The following ZNF385D variants were observed in gnomAD, a reference collection of about 807,000 sequenced individuals.
The protein encoded by ZNF385D is zinc finger protein 385D, also known as zinc finger protein 659.
A neutral mutation model predicts 35.8 loss-of-function variants in ZNF385D; 15 were observed. The ratio of observed to expected loss-of-function variants is 0.42; its 90% confidence interval spans 0.28 to 0.64. The LOEUF (loss-of-function observed/expected upper bound fraction) is 0.64, where lower values mean the gene tolerates loss of function less well. ZNF385D is among the 30% of genes least tolerant of loss of function. The pLI, the probability that ZNF385D is intolerant of heterozygous loss-of-function variation, is 0.23. For synonymous variants in ZNF385D, 212 were observed against 186.8 expected (o/e 1.13, Z -1.10); for missense variants, 474 against 494.6 (o/e 0.96, Z 0.39).
At chr3:21,731,065 T>C (rs1559560822) in intron 1 of ZNF385D, among the ~76,000 whole-genome samples, 1 of 152,184 alleles carries the variant, frequency 6.6e-6, no homozygotes, top group Non-Finnish European at 1.5e-5. Context: ...GGGCAAAGAG[T>C]ACATGCTGTA....
intron 2 of ZNF385D, among the ~76,000 whole-genome samples, chr3:22,346,684 G>A (rs1196417694): frequency 1.3e-5 from 2 of 152,154 alleles, no homozygotes; most frequent in African/African-American, 4.8e-5. Context: ...CGTTGTTCAA[G>A]AGTTAAGTGC....
chr3:22,148,719 C>T (rs1705028453), intron 3 of ZNF385D, among the ~76,000 whole-genome samples: 1 of 152,130 alleles, frequency 6.6e-6, no homozygotes, highest in African/African-American at 2.4e-5. Context: ...TGGATCTGTC[C>T]TACCTTTTAT....
chr3:21,870,912 A>G (rs947171138), intron 3 of ZNF385D, among the ~76,000 whole-genome samples: 1 of 152,120 alleles, frequency 6.6e-6, no homozygotes, highest in African/African-American at 2.4e-5. Context: ...AACTCCAGAC[A>G]TGTCTTCCTA....
chr3:21,878,218 A>C (rs1039540243), intron 3 of ZNF385D: 2 of 151,950 alleles, frequency 1.3e-5, no homozygotes, highest in African/African-American at 4.8e-5. Context: ...GAGAGATCTT[A>C]AGTAACTTAT....
chr3:22,285,381 AT>A (rs1701972811), intron 2 of ZNF385D, among the ~76,000 whole-genome samples: 1 of 152,146 alleles, frequency 6.6e-6, no homozygotes, highest in South Asian at 2.1e-4. Flanking sequence ...ACAAATATTT[AT>A]TTTTCATTTA....
At chr3:22,071,142 A>G (rs1344067258) in intron 3 of ZNF385D, among the ~76,000 whole-genome samples, 1 of 152,194 alleles carries the variant, frequency 6.6e-6, no homozygotes, top group Non-Finnish European at 1.5e-5. Flanking sequence ...TTGCACAGCA[A>G]TAAAGAATGC....
chr3:21,766,386 A>T (rs985053735), intron 3 of ZNF385D, among the ~76,000 whole-genome samples: 5 of 152,134 alleles, frequency 3.3e-5, no homozygotes, highest in African/African-American at 4.8e-5. Context: ...GGTACAGGAC[A>T]TGGGCTTATT....
At chr3:21,667,539 A>G (rs912718794) in intron 1 of ZNF385D, among the ~76,000 whole-genome samples, 11 of 152,310 alleles carry the variant, frequency 7.2e-5, no homozygotes, top group Non-Finnish European at 1.5e-4. Context: ...TGATTCTAAG[A>G]TTTCAGAAAT....
intron 3 of ZNF385D, among the ~76,000 whole-genome samples, chr3:22,037,048 T>A (rs35215864): frequency 0.13 from 19,271 of 152,028 alleles, 1,550 homozygotes; most frequent in South Asian, 0.28. Flanking sequence ...AAGTCATCAT[T>A]TTTTATGGCT....
chr3:22,173,682 G>A (rs1694621739), intron 2 of ZNF385D, among the ~76,000 whole-genome samples: 1 of 152,098 alleles, frequency 6.6e-6, no homozygotes, highest in African/African-American at 2.4e-5. Context: ...CTTCATGTGC[G>A]GTCCACCATC....
intron 4 of ZNF385D, among the ~76,000 whole-genome samples, chr3:21,509,017 G>A (rs1042471810): frequency 1.2e-4 from 18 of 144,312 alleles, no homozygotes; most frequent in South Asian, 4.5e-4. Flanking sequence ...TCGCTCTATC[G>A]CCCAGGCTGG....
chr3:21,437,229 A>AG (rs1325281347), intron 4 of ZNF385D, 26 bp from the exon 5 acceptor site: 3 of 1,587,562 alleles, frequency 1.9e-6, no homozygotes, highest in Non-Finnish European at 1.7e-6. Context: ...CACAGAAAAA[A>AG]GGGGGAAAAA....
intron 3 of ZNF385D, among the ~76,000 whole-genome samples, chr3:22,087,674 G>A (rs576300358): frequency 6.6e-6 from 1 of 152,234 alleles, no homozygotes; most frequent in Non-Finnish European, 1.5e-5. Flanking sequence ...CTTGAAACAA[G>A]AATAAACTTC....
chr3:22,047,670 C>T (rs950351448), intron 3 of ZNF385D, among the ~76,000 whole-genome samples: 4 of 152,120 alleles, frequency 2.6e-5, no homozygotes, highest in East Asian at 1.9e-4. Context: ...AGGTTGATTT[C>T]GTATCTTAGC....
At chr3:22,361,517 A>G (rs1696407000) in intron 2 of ZNF385D, among the ~76,000 whole-genome samples, 1 of 152,078 alleles carries the variant, frequency 6.6e-6, no homozygotes, top group Non-Finnish European at 1.5e-5. Flanking sequence ...TATGAAGCCT[A>G]TCTTGGAGTA....
chr3:21,454,532 C>A lies in ZNF385D; in HGVS notation c.440-17329G>T, dbSNP rs375276701. Among the ~76,000 whole-genome samples, 118 of 152,144 alleles carry A rather than the reference C, an allele frequency of 7.8e-4. 5 individuals carry two copies. In the South Asian group the frequency reaches 0.024, roughly 31 times the overall value. ...TTCCTTCAAGCATTCCAAGCATGCT[C>A]CCACCTTAGAAACTTTGAGTTTCCT... On this transcript the variant is annotated intron_variant, in intron 4 of 7. Transcript: ENST00000281523.
intron 3 of ZNF385D, among the ~76,000 whole-genome samples, chr3:22,040,257 G>A (rs1422939476): frequency 6.6e-6 from 1 of 152,104 alleles, no homozygotes; most frequent in East Asian, 1.9e-4. Flanking sequence ...TACATCATCT[G>A]TTGTCTGCTG....
intron 2 of ZNF385D, among the ~76,000 whole-genome samples, chr3:22,239,542 G>C (rs948336171): frequency 4.0e-5 from 6 of 150,766 alleles, no homozygotes; most frequent in Admixed American, 2.0e-4. Flanking sequence ...CATATTTTAA[G>C]TCTTTAAATG....
intron 3 of ZNF385D, among the ~76,000 whole-genome samples, chr3:21,553,791 AG>A (rs2062642057): frequency 6.6e-6 from 1 of 152,180 alleles, no homozygotes; most frequent in Admixed American, 6.6e-5. Flanking sequence ...CATCTTCATC[AG>A]CAGTAGATTC....
Sources: gnomAD v4.1 joint callset for allele counts (sites outside exome capture counted in the v4.1 genomes callset) on GRCh38, gnomAD v4.1.1 for gene constraint, MANE v1.5 for transcripts, NCBI Gene and HGNC (gene_info 2026-07-23, HGNC 2026-07-21) for gene names.